Variants in SELENOF observed in about 807,000 individuals in gnomAD.
The protein encoded by SELENOF is selenoprotein F.
In SELENOF, 16 loss-of-function variants were observed where a neutral mutation model predicts 20.5. The ratio of observed to expected loss-of-function variants is 0.78; its 90% CI spans 0.53 to 1.19. SELENOF has a LOEUF of 1.19. SELENOF is among the 50% of genes most tolerant of loss of function. The pLI is 0.00. For missense variants in SELENOF, 215 were observed against 194.2 expected (o/e 1.11, Z -0.64); for synonymous variants, 78 against 74.5 (o/e 1.05, Z -0.24).
At chr1:86,881,420 A>C (rs1483241733) in intron 2 of SELENOF, among the ~76,000 whole-genome samples, 1 of 152,206 alleles carries the variant, frequency 6.6e-6, no homozygotes, top group Non-Finnish European at 1.5e-5. Flanking sequence ...AATGGTAAAC[A>C]CCACTTTTTT....
intron 2 of SELENOF, among the ~76,000 whole-genome samples, chr1:86,882,320 T>C (rs1237937117): frequency 6.6e-6 from 1 of 150,976 alleles, no homozygotes; most frequent in African/African-American, 2.4e-5. Context: ...TAAGTTGCTT[T>C]TCAAAAAGAT....
intron 2 of SELENOF, among the ~76,000 whole-genome samples, chr1:86,889,119 G>A (rs1243370328): frequency 6.6e-6 from 1 of 151,702 alleles, no homozygotes; most frequent in Non-Finnish European, 1.5e-5. Flanking sequence ...CAAAATTTAA[G>A]AGCAGCAATA....
intron 3 of SELENOF, among the ~76,000 whole-genome samples, chr1:86,873,413 A>G (rs760603923): frequency 6.6e-6 from 1 of 152,250 alleles, no homozygotes; most frequent in African/African-American, 2.4e-5. Context: ...TTTTACCATC[A>G]TTAGAGTCTA....
intron 1 of SELENOF, 73 bp downstream of exon 1, chr1:86,913,955 G>A (rs1660062004): frequency 7.2e-7 from 1 of 1,392,368 alleles, no homozygotes; most frequent in Non-Finnish European, 1.0e-6. Flanking sequence ...AACCAGGACC[G>A]AATGTTGCGT....
chr1:86,883,996 G>A (rs1386853099), intron 2 of SELENOF, among the ~76,000 whole-genome samples: 1 of 152,154 alleles, frequency 6.6e-6, no homozygotes, highest in Non-Finnish European at 1.5e-5. Context: ...CTCGTCTCAG[G>A]TAAGGATTTT....
intron 3 of SELENOF, among the ~76,000 whole-genome samples, chr1:86,870,565 T>C (rs948272458): frequency 6.6e-6 from 1 of 152,256 alleles, no homozygotes; most frequent in Non-Finnish European, 1.5e-5. Context: ...TTTATACATA[T>C]ATTTTTGGAT....
At chr1:86,884,126 T>C (rs1280533655) in intron 2 of SELENOF, among the ~76,000 whole-genome samples, 1 of 152,130 alleles carries the variant, frequency 6.6e-6, no homozygotes, top group Non-Finnish European at 1.5e-5. Context: ...CTTCTCAATA[T>C]AGGTGTGCCG....
chr1:86,869,233 C>A lies in SELENOF; in HGVS notation c.317-1131G>T, dbSNP rs190996001. On this transcript the variant is annotated intron_variant, in intron 3 of 4. Transcript: ENST00000331835. ...CGTACTTTGTAAACCTGCAAGTACA[C>A]TTCTAGGACTTTATTCTGAGGAAAT... Among the ~76,000 whole-genome samples, 58 of 152,232 alleles carry A rather than the reference C, an allele frequency of 3.8e-4. No individual in the cohort carries two copies. The East Asian group carries it at 8.5e-3, about 22-fold the overall frequency.
In SELENOF at chr1:86,863,569, C is replaced by T. The variant is rs776554727; in HGVS notation, c.403G>A (p.Asp135Asn). The T allele has an allele frequency of 2.5e-6, 4 of 1,613,632 alleles. No homozygotes were observed. Among genetic ancestry groups the T allele is most frequent in the Admixed American group, 1.7e-5 (1 of 59,988 alleles). The change falls in exon 5 of 5, where the codon GAC (aspartate) becomes AAC (asparagine). Residue 135 changes from aspartate to asparagine, a missense_variant. Asp to Asn is a conservative substitution (Grantham distance 23). Transcript: ENST00000331835. Reference protein sequence around the residue: ...RGSDPVLKLLDDNGNIAEELS... With the variant: ...RGSDPVLKLLNDNGNIAEELS... ...TCTTCAGCAATGTTCCCATTGTCGTCCAAAAGCTTTAATACAGGGTCTGAA... is the reference window on the plus strand; with the variant it reads ...TCTTCAGCAATGTTCCCATTGTCGTTCAAAAGCTTTAATACAGGGTCTGAA...
chr1:86,913,947 C>G, intron 1 of SELENOF, 81 bp downstream of exon 1: 3 of 1,343,372 alleles, frequency 2.2e-6, no homozygotes, highest in African/African-American at 1.4e-5. Flanking sequence ...CCCTTTTCAA[C>G]CAGGACCGAA....
rs760860891 is a variant in SELENOF at position 86,868,106 on chromosome 1, A to G, written c.317-4T>C. On this transcript the variant is annotated splice_polypyrimidine_tract_variant and splice_region_variant and intron_variant, in intron 3 of 4. Transcript: ENST00000331835. ...GGTTTATCACTCCTAACAAAAGCTT[A>G]TAAAAAAAGAAAAAAAGATTCAGTA... The G allele has an allele frequency of 6.9e-7, 1 of 1,459,120 alleles. No individual in the cohort carries two copies. The highest frequency in any genetic ancestry group is 2.4e-5 in the East Asian group (1 of 41,704). 90.4% of individuals were successfully genotyped at this position (1,459,120 alleles called of 1,614,324 possible). A position where few individuals can be genotyped will look rare whatever the true frequency, so the allele number is the denominator to read the frequency against.
At chr1:86,874,515 A>T (rs866775306) in intron 3 of SELENOF, among the ~76,000 whole-genome samples, 4 of 152,100 alleles carry the variant, frequency 2.6e-5, no homozygotes, top group South Asian at 2.1e-4. Flanking sequence ...ATGTCAAGGG[A>T]TTTAGAGCTA....
chr1:86,880,713 C>A lies in SELENOF; in HGVS notation c.265G>T (p.Ala89Ser). The A allele has an allele frequency of 6.3e-7, 1 of 1,587,522 alleles. No homozygotes were observed. The highest frequency in any genetic ancestry group is 1.3e-5 in the African/African-American group (1 of 74,380). ...QFETKKLYAG[A>S]ILEVCGUKLG... ...TTTCATCCACAAACTTCAAGAATAG[C>A]TCCTGCATACAGCTACAAAAGGAAA... Residue 89 changes from alanine (A) to serine (S), a missense_variant, in exon 3 of 5, where the codon GCT (alanine) becomes TCT (serine). By Grantham distance (99) the Ala-to-Ser change is moderately conservative. Transcript: ENST00000331835.
At chr1:86,914,470 G>A (rs1007724440), upstream of SELENOF, 1 of 330,660 alleles carries the variant, frequency 3.0e-6, no homozygotes, top group African/African-American at 2.1e-5. Context: ...CTGTGGCAGA[G>A]GAAACCAACC....
rs370480010 is a variant in SELENOF at position 86,903,372 on chromosome 1, G to A, written c.161C>T (p.Ser54Phe). The A allele has an allele frequency of 2.4e-5, 39 of 1,612,102 alleles. No homozygotes were observed. Among genetic ancestry groups the A allele is most frequent in the Non-Finnish European group, 3.1e-5 (37 of 1,179,078 alleles). ...LGFSSNLLCS[S>F]CDLLGQFNLL... ...GTTGAACTGTCCGAGAAGATCACAA[G>A]AGCTGCAAAGCAAGTTGCTAGAAAA... The change falls in exon 2 of 5, where the codon TCT (serine) becomes TTT (phenylalanine). Residue 54 changes from serine (S) to phenylalanine (F), a missense_variant. By Grantham distance (155) the Ser-to-Phe change is radical. Transcript: ENST00000331835.
chr1:86,881,952 G>A (rs1275887121), intron 2 of SELENOF, among the ~76,000 whole-genome samples: 1 of 152,034 alleles, frequency 6.6e-6, no homozygotes, highest in Admixed American at 6.6e-5. Flanking sequence ...AGGTTAATTT[G>A]GCCAGGCATG....
intron 4 of SELENOF, among the ~76,000 whole-genome samples, chr1:86,865,268 AACAAAAACAGTAACAGG>A: frequency 6.6e-6 from 1 of 152,322 alleles, no homozygotes; most frequent in African/African-American, 2.4e-5. Context: ...TAGGCAAAAA[AACAAAAACAGTAACAGG>A]ACCACTCAAA....
chr1:86,893,088 G>A lies in SELENOF; in HGVS notation c.252+10193C>T, dbSNP rs12087905. On this transcript the variant is annotated intron_variant, in intron 2 of 4. Coordinates refer to ENST00000331835, the MANE Select transcript of SELENOF (RefSeq NM_004261.5). ...TTTTGGCATCTAATCGCCAGTTAACGGTAGGCAGATTATACCCTAGTTTCC... is the reference window on the plus strand; with the variant it reads ...TTTTGGCATCTAATCGCCAGTTAACAGTAGGCAGATTATACCCTAGTTTCC... Among the ~76,000 whole-genome samples, 948 of 152,208 alleles carry A rather than the reference G, an allele frequency of 6.2e-3. 10 individuals are homozygous for A. Among genetic ancestry groups the A allele is most frequent in the African/African-American group, 0.022 (912 of 41,502 alleles).
intron 1 of SELENOF, among the ~76,000 whole-genome samples, chr1:86,908,681 T>C (rs1659893878): frequency 2.0e-5 from 3 of 152,126 alleles, no homozygotes; most frequent in East Asian, 1.9e-4. Context: ...TGTGAAGAAA[T>C]GGAGTGGGGG....
Sources: gnomAD v4.1 joint callset for allele counts (sites outside exome capture counted in the v4.1 genomes callset) on GRCh38, gnomAD v4.1.1 for gene constraint, MANE v1.5 for transcripts, NCBI Gene and HGNC (gene_info 2026-07-23, HGNC 2026-07-21) for gene names.